Variants in MIPOL1 observed in about 807,000 individuals in gnomAD.
MIPOL1 encodes the protein mirror-image polydactyly gene 1 protein.
In MIPOL1, 57 loss-of-function variants were observed where a neutral mutation model predicts 60.9. That is an observed-to-expected ratio of 0.94 (90% CI 0.76 to 1.17). The LOEUF is 1.17. Ranked by LOEUF, MIPOL1 falls within the 50% of genes most tolerant of loss-of-function variation. The pLI is 0.00. For synonymous variants in MIPOL1, 179 were observed against 168.8 expected (o/e 1.06, Z -0.47); for missense variants, 551 against 511.6 (o/e 1.08, Z -0.74).
At chr14:37,531,302 G>A (rs185526921) in intron 12 of MIPOL1, among the ~76,000 whole-genome samples, 34 of 151,678 alleles carry the variant, frequency 2.2e-4, no homozygotes, top group Non-Finnish European at 2.5e-4. Flanking sequence ...TTTCCTCTAC[G>A]TTACCCTCTT....
chr14:37,396,102 A>G (rs988542975), intron 10 of MIPOL1, among the ~76,000 whole-genome samples: 1 of 151,466 alleles, frequency 6.6e-6, no homozygotes, highest in African/African-American at 2.4e-5. Flanking sequence ...TTGCTTTCTA[A>G]TGAGGTTCTG....
intron 10 of MIPOL1, among the ~76,000 whole-genome samples, chr14:37,380,316 G>A (rs1342892623): frequency 6.6e-6 from 1 of 152,102 alleles, no homozygotes; most frequent in East Asian, 1.9e-4. Flanking sequence ...TCAAGAGAAT[G>A]TCTTTCTTTA....
chr14:37,361,793 G>T (rs1024856950), intron 9 of MIPOL1, among the ~76,000 whole-genome samples: 11 of 151,698 alleles, frequency 7.3e-5, no homozygotes, highest in Non-Finnish European at 1.6e-4. Flanking sequence ...ATTTTTCGTA[G>T]AGTCCGGGTT....
At chr14:37,441,455 A>G (rs565386688) in intron 11 of MIPOL1, among the ~76,000 whole-genome samples, 2 of 152,218 alleles carry the variant, frequency 1.3e-5, no homozygotes, top group Admixed American at 6.5e-5. Context: ...GCATATGGCA[A>G]TCCAATTTTC....
chr14:37,518,412 G>A (rs921534410), intron 12 of MIPOL1, among the ~76,000 whole-genome samples: 3 of 152,092 alleles, frequency 2.0e-5, no homozygotes, highest in Non-Finnish European at 4.4e-5. Context: ...TCGGCTCACC[G>A]CAACTTCCGC....
In MIPOL1 at chr14:37,444,101, T is replaced by C. The variant is rs566947731; in HGVS notation, c.1031+21152T>C. On this transcript the variant is annotated intron_variant, in intron 11 of 12. Transcript: ENST00000684589. The stretch of plus-strand genomic sequence containing the variant: ...AACTTTCTGAAGGAACCCATAATTA[T>C]TAAAAATTGGAAAAATAAAACTGCT... Among the ~76,000 whole-genome samples the C allele has an allele frequency of 2.6e-5, 4 of 152,222 alleles. No individual in the cohort carries two copies. In the South Asian group the frequency reaches 8.3e-4, roughly 32 times the overall value.
At chr14:37,334,500 A>G (rs2089967984) in intron 9 of MIPOL1, among the ~76,000 whole-genome samples, 1 of 151,984 alleles carries the variant, frequency 6.6e-6, no homozygotes, top group Non-Finnish European at 1.5e-5. Flanking sequence ...TGTTTTTTAC[A>G]TTTTTAACAG....
At chr14:37,357,444 C>T (rs931114011) in intron 9 of MIPOL1, among the ~76,000 whole-genome samples, 1 of 152,014 alleles carries the variant, frequency 6.6e-6, no homozygotes, top group Non-Finnish European at 1.5e-5. Context: ...AGTTAAAAGC[C>T]ATTTTAACTG....
intron 1 of MIPOL1, among the ~76,000 whole-genome samples, chr14:37,222,737 A>G (rs1969023475): frequency 6.6e-6 from 1 of 152,194 alleles, no homozygotes; most frequent in Non-Finnish European, 1.5e-5. Flanking sequence ...AACTTGGCCT[A>G]CAGCTCATCT....
At chr14:37,354,081 T>C (rs1015846148) in intron 9 of MIPOL1, among the ~76,000 whole-genome samples, 23 of 151,240 alleles carry the variant, frequency 1.5e-4, no homozygotes, top group Non-Finnish European at 3.2e-4. Context: ...GCTTTGAATG[T>C]GTCCCAGAGA....
In MIPOL1 at chr14:37,550,064, TA is replaced by T. The variant is rs567697592; in HGVS notation, c.*3096del. On this transcript the variant is annotated 3_prime_UTR_variant, in exon 13 of 13. Coordinates refer to ENST00000684589, the MANE Select transcript of MIPOL1 (RefSeq NM_001388067.1). The stretch of plus-strand genomic sequence containing the variant: ...TAATATATGAGAATTTAAAATTTTA[TA>T]AATAAGTTAGAAATTATTAATGTAT... 175 of 151,842 alleles carry T rather than the reference TA, an allele frequency of 1.2e-3. 1 individual carries two copies. The highest frequency in any genetic ancestry group is 1.2e-3 in the Non-Finnish European group (82 of 67,794). 9.4% of individuals were successfully genotyped at this position (151,842 alleles called of 1,614,324 possible).
At chr14:37,460,111 AAT>A (rs1226022059) in intron 11 of MIPOL1, among the ~76,000 whole-genome samples, 1 of 150,070 alleles carries the variant, frequency 6.7e-6, no homozygotes, top group Non-Finnish European at 1.5e-5. Context: ...TAATAATAAT[AAT>A]AATAAAATTC....
rs531686126 is a variant in MIPOL1 at position 37,422,732 on chromosome 14, A to T, written c.937-123A>T. 2.1e-5 allele frequency: 14 copies of T among 652,142 alleles called. No homozygotes were observed. The South Asian group carries it at 2.6e-4, about 12-fold the overall frequency. The allele number at this position is 652,142 out of a possible 1,614,324, so 40.4% of individuals were successfully genotyped here. A position where few individuals can be genotyped will look rare whatever the true frequency, so the allele number is the denominator to read the frequency against. ...TTCTGGTAACTTATGAGACACTGCTAAAAACATTCATAGGTTTTTTTTTTT... is the reference window on the plus strand; with the variant it reads ...TTCTGGTAACTTATGAGACACTGCTTAAAACATTCATAGGTTTTTTTTTTT... On this transcript the variant is annotated intron_variant, in intron 10 of 12. Transcript: ENST00000684589.
At chr14:37,361,694 CT>C (rs2092263384) in intron 9 of MIPOL1, among the ~76,000 whole-genome samples, 1 of 147,386 alleles carries the variant, frequency 6.8e-6, no homozygotes, top group Non-Finnish European at 1.5e-5. Context: ...CAAGCTCCGC[CT>C]TCCCCGGGTT....
intron 9 of MIPOL1, among the ~76,000 whole-genome samples, chr14:37,361,918 A>G (rs1043319565): frequency 1.3e-5 from 2 of 151,988 alleles, no homozygotes; most frequent in African/African-American, 4.8e-5. Context: ...CTGTTTTATC[A>G]GAGACTAGGA....
At chr14:37,359,072 A>C (rs1303852588) in intron 9 of MIPOL1, among the ~76,000 whole-genome samples, 1 of 152,204 alleles carries the variant, frequency 6.6e-6, no homozygotes, top group Admixed American at 6.5e-5. Context: ...TTTTCCCAGC[A>C]CGATTTATTA....
intron 1 of MIPOL1, among the ~76,000 whole-genome samples, chr14:37,240,059 G>A (rs916182258): frequency 7.9e-5 from 12 of 152,112 alleles, no homozygotes; most frequent in Admixed American, 5.2e-4. Flanking sequence ...TTACTCTGTC[G>A]CCCAGGCTGG....
chr14:37,413,256 A>T (rs1251580922), intron 10 of MIPOL1, among the ~76,000 whole-genome samples: 1 of 152,156 alleles, frequency 6.6e-6, no homozygotes, highest in Non-Finnish European at 1.5e-5. Context: ...GTATTAAATA[A>T]TCATTTAAAT....
chr14:37,454,703 T>C (rs1161635283), intron 11 of MIPOL1, among the ~76,000 whole-genome samples: 2 of 152,150 alleles, frequency 1.3e-5, no homozygotes, highest in Non-Finnish European at 2.9e-5. Flanking sequence ...AGAGTTTTCA[T>C]CATATGAAGC....
Sources: allele counts gnomAD v4.1 joint callset (sites outside exome capture counted in the v4.1 genomes callset), GRCh38; gene constraint gnomAD v4.1.1; transcripts MANE v1.5; gene names NCBI Gene and HGNC (gene_info 2026-07-23, HGNC 2026-07-21).